The following DNAH2 variants were observed in gnomAD, a reference collection of about 807,000 sequenced individuals.
DNAH2 encodes the protein dynein axonemal heavy chain 2.
A neutral mutation model predicts 523.5 loss-of-function variants in DNAH2; 323 were observed. The observed-to-expected ratio is 0.62, with a 90% CI of 0.56 to 0.68. The LOEUF is 0.68. Among genes scored for constraint, DNAH2 ranks in the 30% least tolerant of loss-of-function variants. The probability of loss-of-function intolerance (pLI) is 0.00; values close to 1 mark genes in which losing one functional copy is unlikely to be tolerated. For synonymous variants in DNAH2, 2,093 were observed against 2,177.4 expected (o/e 0.96, Z 1.08); for missense variants, 4,907 against 5,701.5 (o/e 0.86, Z 4.49).
chr17:7,813,096 G>A (rs1282451781), intron 63 of DNAH2, among the ~76,000 whole-genome samples: 1 of 152,170 alleles, frequency 6.6e-6, no homozygotes, highest in African/African-American at 2.4e-5. Flanking sequence ...TGGGGAACAG[G>A]GTTAGGAGGA....
At position 7,823,607 on chromosome 17, in the gene DNAH2, C is replaced by T. The variant is rs1276840807; in HGVS notation, c.11308C>T (p.Pro3770Ser). 3 of 1,614,074 alleles carry T rather than the reference C, an allele frequency of 1.9e-6. No individual in the cohort carries two copies. The highest frequency in any genetic ancestry group is 1.7e-5 in the Admixed American group (1 of 59,998). The change falls in exon 74 of 86, where the codon CCG becomes TCG. Residue 3770 changes from proline (P) to serine (S), a missense_variant. Physicochemically the swap from Pro to Ser is moderately conservative, Grantham distance 74. Transcript: ENST00000572933. ...GCACCTGTGGTATACCAATGCTGCCCCGGAGAAGGCGATGCTGCCAGGTAC... is the reference window on the plus strand; with the variant it reads ...GCACCTGTGGTATACCAATGCTGCCTCGGAGAAGGCGATGCTGCCAGGTAC... ...DWHLWYTNAA[P>S]EKAMLPGEWE...
intron 49 of DNAH2, among the ~76,000 whole-genome samples, chr17:7,795,664 T>A (rs112255098): frequency 3.4e-5 from 5 of 145,412 alleles, no homozygotes; most frequent in East Asian, 2.0e-4. Flanking sequence ...TATATATATA[T>A]AATATTTATA....
chr17:7,757,884 T>G (rs935912988), intron 13 of DNAH2, among the ~76,000 whole-genome samples: 2 of 152,210 alleles, frequency 1.3e-5, no homozygotes, highest in Non-Finnish European at 2.9e-5. Context: ...CTCTTAGGCC[T>G]CTTTTATGAA....
At chr17:7,811,187 T>A (rs1020697729) in intron 63 of DNAH2, among the ~76,000 whole-genome samples, 2 of 152,222 alleles carry the variant, frequency 1.3e-5, no homozygotes. Flanking sequence ...CTAGTCACAT[T>A]GTCCAACATA....
rs773172611 is a variant in DNAH2 at position 7,765,535 on chromosome 17, C to T, written c.3481C>T (p.His1161Tyr). 8.1e-6 allele frequency: 13 copies of T among 1,614,064 alleles called. No homozygotes were observed. The South Asian group carries it at 1.1e-4, about 14-fold the overall frequency. Residue 1161 changes from histidine to tyrosine, a missense_variant, in exon 21 of 86, where the codon CAT becomes TAT. Physicochemically the swap from His to Tyr is moderately conservative, Grantham distance 83 (BLOSUM62 2). Coordinates refer to ENST00000572933, the MANE Select transcript of DNAH2 (RefSeq NM_020877.5). ...GGCAGATGACTTCAAGAAGAAAGCA[C>T]ATACACTTCTGGAAGATTTCGAATT... ...HSADDFKKKA[H>Y]TLLEDFEFKG...
intron 11 of DNAH2, among the ~76,000 whole-genome samples, chr17:7,742,039 C>T (rs950255541): frequency 6.6e-6 from 1 of 152,114 alleles, no homozygotes; most frequent in Non-Finnish European, 1.5e-5. Flanking sequence ...GTAGAAGATA[C>T]AGCCTCATGA....
At chr17:7,757,358 CA>C (rs200641531) in intron 13 of DNAH2, 121 bp downstream of exon 13, 22,733 of 1,010,068 alleles carry the variant, frequency 0.023, 11 homozygotes, top group East Asian at 0.071. Context: ...TTTTCCATCT[CA>C]AAAAAAAAAA....
In DNAH2 at chr17:7,792,754, G is replaced by A; in HGVS notation, c.7243G>A (p.Val2415Met). 6.2e-7 allele frequency: 1 copy of A among 1,614,172 alleles called. No homozygotes were observed. Among genetic ancestry groups the A allele is most frequent in the Non-Finnish European group, 8.5e-7 (1 of 1,180,032 alleles). Residue 2415 changes from valine to methionine, a missense_variant, in exon 47 of 86, where the codon GTG (valine) becomes ATG (methionine). Coordinates refer to ENST00000572933, the MANE Select transcript of DNAH2 (RefSeq NM_020877.5). ...GGCCAACCAGAATCCCATTCTGCTG[G>A]TGGGTCCCGTGGGGACTGGGAAGAC... ...LVANQNPILL[V>M]GPVGTGKTSI...
At chr17:7,819,956 G>T (rs2077808064) in intron 72 of DNAH2, among the ~76,000 whole-genome samples, 2 of 152,078 alleles carry the variant, frequency 1.3e-5, no homozygotes, top group Admixed American at 1.3e-4. Flanking sequence ...GCCAGAAATT[G>T]GGAGTTATCC....
At chr17:7,747,556 G>T (rs966999015) in intron 12 of DNAH2, among the ~76,000 whole-genome samples, 57 of 152,100 alleles carry the variant, frequency 3.7e-4, no homozygotes, top group African/African-American at 1.4e-3. Flanking sequence ...CTCTAGTTAG[G>T]ATAAACCAGG....
chr17:7,816,885 C>T, intron 64 of DNAH2, 150 bp downstream of exon 64: 1 of 977,270 alleles, frequency 1.0e-6, no homozygotes, highest in East Asian at 2.6e-5. Flanking sequence ...TCTTCCCCTC[C>T]CCCTGCACAC....
chr17:7,741,047 G>A, intron 11 of DNAH2, 55 bp downstream of exon 11: 2 of 1,548,750 alleles, frequency 1.3e-6, no homozygotes, highest in Non-Finnish European at 1.7e-6. Context: ...CAGGAGGGAT[G>A]GGGGATGGCT....
intron 39 of DNAH2, among the ~76,000 whole-genome samples, chr17:7,782,515 A>G (rs1281233202): frequency 2.0e-5 from 3 of 152,236 alleles, no homozygotes; most frequent in African/African-American, 7.2e-5. Flanking sequence ...TGAAATTTCA[A>G]CTCACACTTC....
At chr17:7,770,192 A>G (rs2076276447) in intron 24 of DNAH2, 60 bp from the exon 25 acceptor site, 2 of 1,515,712 alleles carry the variant, frequency 1.3e-6, no homozygotes, top group African/African-American at 2.8e-5. Context: ...TCCCAGTGGG[A>G]GACAGCAATG....
chr17:7,734,365 C>A, intron 6 of DNAH2, 72 bp downstream of exon 6: 1 of 1,599,976 alleles, frequency 6.3e-7, no homozygotes, highest in Non-Finnish European at 8.6e-7. Context: ...CGGATGCTGA[C>A]AATGGAGTTG....
In DNAH2 at chr17:7,807,268, CCG is replaced by C. The variant is rs1567732625; in HGVS notation, c.9564_9565del (p.Val3189LeufsTer47). On this transcript the variant is annotated frameshift_variant, in exon 62 of 86. Transcript: ENST00000572933. LOFTEE classifies it high-confidence loss of function. The surrounding 1 kb of genome is among the most constrained non-coding windows in gnomAD (Gnocchi z 5.6). ...CTGACTTCCAGCCTGATATCATCGG[CCG>C]CGTCTCCCTGGCTGCCAAGTCCCTC... ...QPDFQPDIIG[R>X]VSLAAKSLCM... The C allele has an allele frequency of 6.2e-7, 1 of 1,613,904 alleles. No homozygotes were observed. The highest frequency in any genetic ancestry group is 1.1e-5 in the South Asian group (1 of 91,082).
At chr17:7,765,914 G>A (rs1308727708) in intron 21 of DNAH2, among the ~76,000 whole-genome samples, 1 of 151,976 alleles carries the variant, frequency 6.6e-6, no homozygotes, top group South Asian at 2.1e-4. Flanking sequence ...GAGTAGCTGG[G>A]ACTACAGGCA....
chr17:7,818,460 G>A lies in DNAH2; in HGVS notation c.10536G>A (p.Gln3512=). The A allele has an allele frequency of 6.2e-7, 1 of 1,614,158 alleles. No homozygotes were observed. The highest frequency in any genetic ancestry group is 8.5e-7 in the Non-Finnish European group (1 of 1,180,000). Residue 3512 remains glutamine, a splice_region_variant and synonymous_variant, in exon 69 of 86, where the codon CAG becomes CAA. Coordinates refer to ENST00000572933, the MANE Select transcript of DNAH2 (RefSeq NM_020877.5). ...TCGTCAACTTTGCTGTTAAAGAACA[G>A]GTGGGTACAGGCTGAGGTCCAGACT... ...TTIVNFAVKE[Q]GLEAQLLGIV...
At chr17:7,720,955 C>T (rs2074582324) in intron 2 of DNAH2, among the ~76,000 whole-genome samples, 1 of 150,232 alleles carries the variant, frequency 6.7e-6, no homozygotes, top group Admixed American at 6.6e-5. Context: ...GGCCTTCGAA[C>T]AGCAAGGATT....
Sources: gnomAD v4.1 joint callset for allele counts (sites outside exome capture counted in the v4.1 genomes callset) on GRCh38, gnomAD v4.1.1 for gene constraint, Gnocchi (gnomAD v3.1) non-coding constraint, MANE v1.5 for transcripts, NCBI Gene and HGNC (gene_info 2026-07-23, HGNC 2026-07-21) for gene names.